Variants in MIER1 observed in about 807,000 individuals in gnomAD.
MIER1 encodes mesoderm induction early response protein 1.
In MIER1, 40 loss-of-function variants were observed where a neutral mutation model predicts 75.7. The observed-to-expected ratio is 0.53, with a 90% CI of 0.41 to 0.69. The LOEUF (loss-of-function observed/expected upper bound fraction) is 0.69, where lower values mean the gene tolerates loss of function less well. Among genes scored for constraint, MIER1 ranks in the 30% least tolerant of loss-of-function variants. MIER1 has a pLI of 0.00. For missense variants in MIER1, 574 were observed against 680.2 expected, an observed-to-expected ratio of 0.84 and a Z score of 1.74; for synonymous variants, 213 against 223.4, an observed-to-expected ratio of 0.95 and a Z score of 0.42.
intron 12 of MIER1, 108 bp downstream of exon 12, chr1:66,976,830 C>A: frequency 2.1e-6 from 2 of 958,846 alleles, no homozygotes; most frequent in African/African-American, 1.7e-5. Flanking sequence ...TATACTTGAT[C>A]TTAACCAGAA....
At chr1:66,934,186 A>AT (rs1326964223) in intron 2 of MIER1, among the ~76,000 whole-genome samples, 36 of 152,326 alleles carry the variant, frequency 2.4e-4, no homozygotes, top group African/African-American at 8.2e-4. Context: ...ATTTAGCTGC[A>AT]TACTCCTTAG....
At chr1:66,964,845 C>T (rs1662055655) in intron 8 of MIER1, among the ~76,000 whole-genome samples, 1 of 152,130 alleles carries the variant, frequency 6.6e-6, no homozygotes, top group East Asian at 1.9e-4. Flanking sequence ...CACATTTCAA[C>T]TTAATATACA....
chr1:66,927,595 G>A (rs1316244905), intron 2 of MIER1, among the ~76,000 whole-genome samples: 1 of 151,920 alleles, frequency 6.6e-6, no homozygotes, highest in African/African-American at 2.4e-5. Flanking sequence ...TTTGCATTTG[G>A]ATACAAAGAA....
intron 1 of MIER1, 44 bp downstream of exon 1, chr1:66,925,139 T>C: frequency 6.5e-7 from 1 of 1,539,526 alleles, no homozygotes; most frequent in Admixed American, 2.2e-5. Flanking sequence ...TCTATTCCAG[T>C]TTGGGATGAG....
chr1:66,961,931 C>T (rs1342769554), intron 7 of MIER1, among the ~76,000 whole-genome samples: 5 of 152,150 alleles, frequency 3.3e-5, no homozygotes, highest in Non-Finnish European at 7.3e-5. Context: ...ACATAAAGCA[C>T]GTCTTTGAAG....
Position 66,985,910 on chromosome 1 carries a change from G to C in MIER1, c.*1010G>C. The C allele has an allele frequency of 1.0e-6, 1 of 972,630 alleles. No individual in the cohort carries two copies. Among genetic ancestry groups the C allele is most frequent in the Non-Finnish European group, 1.2e-6 (1 of 823,980 alleles). The allele number at this position is 972,630 out of a possible 1,614,324, so 60.2% of individuals were successfully genotyped here. ...TGATGCTTAGATTGCAGTTTGTTTT[G>C]CATTTGCTATAATTTTCAAAATTAT... is the stretch of plus-strand genomic sequence containing the variant. On this transcript the variant is annotated 3_prime_UTR_variant, in exon 14 of 14. Transcript: ENST00000401041.
Position 66,958,967 on chromosome 1 carries a change from T to C in MIER1, c.618T>C (p.Cys206=). 6.2e-7 allele frequency: 1 copy of C among 1,612,860 alleles called. No individual in the cohort carries two copies. Among genetic ancestry groups the C allele is most frequent in the Non-Finnish European group, 8.5e-7 (1 of 1,179,116 alleles). Residue 206 remains cysteine, a synonymous_variant, in exon 6 of 14, where the codon TGT becomes TGC. Coordinates refer to ENST00000401041, the MANE Select transcript of MIER1 (RefSeq NM_001077700.3). The part of the protein sequence containing the change: ...DAQEIIRPRR[C]KYFDTNSEVE... ...AGGAAATAATCCGCCCACGTCGATG[T>C]AAATATTTTGATACAAGTAAGTGTT...
intron 4 of MIER1, 128 bp downstream of exon 4, chr1:66,946,423 T>C: frequency 7.2e-7 from 1 of 1,386,538 alleles, no homozygotes. Context: ...AAATTTTGTG[T>C]GATCATAGGT....
At chr1:66,944,407 T>TTTTACAGATA (rs1465874556) in intron 3 of MIER1, among the ~76,000 whole-genome samples, 2 of 150,628 alleles carry the variant, frequency 1.3e-5, no homozygotes, top group African/African-American at 4.9e-5. Context: ...CTTGGGGATA[T>TTTTACAGATA]TTTACATAGT....
intron 4 of MIER1, among the ~76,000 whole-genome samples, chr1:66,957,763 T>A (rs557892485): frequency 2.8e-4 from 42 of 152,234 alleles, no homozygotes; most frequent in Admixed American, 7.8e-4. Flanking sequence ...TCATTGTGCA[T>A]ATACTGAATT....
chr1:66,971,808 T>C, intron 10 of MIER1, 72 bp downstream of exon 10: 3 of 762,926 alleles, frequency 3.9e-6, no homozygotes, highest in Non-Finnish European at 6.5e-6. Context: ...TTTACCTAGG[T>C]ATAGCCTAAA....
At chr1:66,925,195 C>T in intron 1 of MIER1, 100 bp downstream of exon 1, 1 of 1,455,408 alleles carries the variant, frequency 6.9e-7, no homozygotes, top group Non-Finnish European at 9.0e-7. Context: ...TTCCCCTCCC[C>T]CACGGCAGTG....
At chr1:66,977,288 T>G (rs971676158) in intron 12 of MIER1, among the ~76,000 whole-genome samples, 1 of 152,104 alleles carries the variant, frequency 6.6e-6, no homozygotes, top group African/African-American at 2.4e-5. Context: ...TTTTGAATTT[T>G]TATTAGAGAC....
chr1:66,972,854 T>TG (rs779190109), intron 10 of MIER1, 43 bp from the exon 11 acceptor site: 1 of 996,288 alleles, frequency 1.0e-6, no homozygotes, highest in Non-Finnish European at 1.6e-6. Context: ...ATGCAATAAT[T>TG]GGGGGAATAT....
chr1:66,975,304 A>AGGTTGAAGTACT (rs1664482184), intron 11 of MIER1, among the ~76,000 whole-genome samples: 1 of 152,160 alleles, frequency 6.6e-6, no homozygotes, highest in Non-Finnish European at 1.5e-5. Flanking sequence ...AAGCATGCAG[A>AGGTTGAAGTACT]TTGCTTGAGC....
At chr1:66,960,000 C>A (rs540297814) in intron 7 of MIER1, 1 of 220,072 alleles carries the variant, frequency 4.5e-6, no homozygotes, top group South Asian at 1.6e-4. Flanking sequence ...AGGCGGATCG[C>A]TTGAGCCCAG....
At chr1:66,943,282 C>T (rs1656685149) in intron 3 of MIER1, among the ~76,000 whole-genome samples, 1 of 152,132 alleles carries the variant, frequency 6.6e-6, no homozygotes, top group South Asian at 2.1e-4. Flanking sequence ...CTATGGAACC[C>T]TTGTGTCCAT....
chr1:66,931,222 C>T (rs1413557072), intron 2 of MIER1, among the ~76,000 whole-genome samples: 1 of 152,122 alleles, frequency 6.6e-6, no homozygotes, highest in Non-Finnish European at 1.5e-5. Context: ...CCGCAGTTGG[C>T]GGGCATACAA....
At chr1:66,968,941 G>T (rs1430067062) in intron 8 of MIER1, among the ~76,000 whole-genome samples, 1 of 152,164 alleles carries the variant, frequency 6.6e-6, no homozygotes, top group Non-Finnish European at 1.5e-5. Context: ...TCCTTATATG[G>T]CCTTGTCTAC....
Sources: allele counts gnomAD v4.1 joint callset (sites outside exome capture counted in the v4.1 genomes callset), GRCh38; gene constraint gnomAD v4.1.1; transcripts MANE v1.5; gene names NCBI Gene and HGNC (gene_info 2026-07-23, HGNC 2026-07-21).